The following BCKDK variants were observed in gnomAD, a reference collection of about 807,000 sequenced individuals.
The protein encoded by BCKDK is branched chain keto acid dehydrogenase kinase.
A neutral mutation model predicts 43.9 loss-of-function variants in BCKDK; 28 were observed. That is an observed-to-expected ratio of 0.64 (90% CI 0.47 to 0.87). The LOEUF (loss-of-function observed/expected upper bound fraction) is 0.87, where lower values mean the gene tolerates loss of function less well. Among genes scored for constraint, BCKDK ranks in the 40% least tolerant of loss-of-function variants. The pLI, the probability that BCKDK is intolerant of heterozygous loss-of-function variation, is 0.00. For missense variants in BCKDK, 483 were observed against 581.4 expected, an observed-to-expected ratio of 0.83 and a Z score of 1.74; for synonymous variants, 257 against 234.3, an observed-to-expected ratio of 1.10 and a Z score of -0.88.
In BCKDK at chr16:31,108,967, G is replaced by A; in HGVS notation, c.-177-80G>A. On this transcript the variant is annotated intron_variant, in intron 1 of 11. Coordinates refer to ENST00000219794, the MANE Select transcript of BCKDK (RefSeq NM_005881.4). This position sits in a 1 kb window ranked among gnomAD's most constrained non-coding sequence, Gnocchi z 6.2. The stretch of plus-strand genomic sequence containing the variant: ...TGGGGAGAGGTCGCCCGGGTCTGGG[G>A]AGACCGATGCACAGGTGGAGAGATG... The A allele has an allele frequency of 5.2e-6, 2 of 385,970 alleles. No homozygotes were observed. The highest frequency in any genetic ancestry group is 9.3e-6 in the Non-Finnish European group (2 of 213,980). The allele number at this position is 385,970 out of a possible 1,614,324, so 23.9% of individuals were successfully genotyped here.
Position 31,110,688 on chromosome 16 carries a change from C to A in BCKDK, c.643C>A (p.Pro215Thr). 6.2e-7 allele frequency: 1 copy of A among 1,614,074 alleles called. No homozygotes were observed. The highest frequency in any genetic ancestry group is 8.5e-7 in the Non-Finnish European group (1 of 1,180,010). The change falls in exon 8 of 12, where the codon CCT becomes ACT. Residue 215 changes from proline to threonine, a missense_variant and splice_region_variant. By Grantham distance (38) the Pro-to-Thr change is conservative. Transcript: ENST00000219794. This position sits in a 1 kb window ranked among gnomAD's most constrained non-coding sequence, Gnocchi z 5.4. Reference protein sequence around the residue: ...THHLALHEDKPDFVGIICTRL... With the variant: ...THHLALHEDKTDFVGIICTRL... ...GTCCTGACCTCCTTTCTCCGGCCAGCCTGACTTTGTCGGCATCATCTGTAC... is the reference window on the plus strand; with the variant it reads ...GTCCTGACCTCCTTTCTCCGGCCAGACTGACTTTGTCGGCATCATCTGTAC...
Position 31,109,645 on chromosome 16 carries a change from C to G in BCKDK, c.265-28C>G. On this transcript the variant is annotated intron_variant, in intron 3 of 11. Coordinates refer to ENST00000219794, the MANE Select transcript of BCKDK (RefSeq NM_005881.4). This position sits in a 1 kb window ranked among gnomAD's most constrained non-coding sequence, Gnocchi z 5.3. ...CTCTCCCAGACACTCAGGCTCCAGC[C>G]CCGCCTTCCCTTCTCATTTTCTCCC... is the stretch of plus-strand genomic sequence containing the variant. The G allele has an allele frequency of 6.2e-7, 1 of 1,613,704 alleles. No homozygotes were observed. The highest frequency in any genetic ancestry group is 2.2e-5 in the East Asian group (1 of 44,884).
Position 31,109,775 on chromosome 16 carries a change from C to T in BCKDK, c.367C>T (p.Leu123=), listed in dbSNP as rs768248141. ...CATCATTGGCTGCAACCCCACCATA[C>T]TGCACGTGGTAAGGTAGAGAGGACC... ...PFIIGCNPTI[L]HVHELYIRAF... Residue 123 remains leucine (L), a synonymous_variant, in exon 4 of 12, where the codon CTG becomes TTG. Transcript: ENST00000219794. This position sits in a 1 kb window ranked among gnomAD's most constrained non-coding sequence, Gnocchi z 5.3. 1 of 1,613,596 alleles carries T rather than the reference C, an allele frequency of 6.2e-7. No homozygotes were observed. Among genetic ancestry groups the T allele is most frequent in the East Asian group, 2.2e-5 (1 of 44,886 alleles).
chr16:31,114,510 G>A (rs1038078208), downstream of BCKDK, among the ~76,000 whole-genome samples: 15 of 151,914 alleles, frequency 9.9e-5, no homozygotes, highest in East Asian at 3.9e-4. Context: ...CATGCCTGTC[G>A]GATGTTTCTT....
In BCKDK at chr16:31,110,014, G is replaced by C; in HGVS notation, c.376-63G>C. The C allele has an allele frequency of 5.0e-6, 8 of 1,606,882 alleles. No individual in the cohort carries two copies. Among genetic ancestry groups the C allele is most frequent in the Non-Finnish European group, 6.8e-6 (8 of 1,173,724 alleles). On this transcript the variant is annotated intron_variant, in intron 4 of 11. Transcript: ENST00000219794. The surrounding 1 kb of genome is among the most constrained non-coding windows in gnomAD (Gnocchi z 5.4). ...GGTGGTGATCCCCATGGGTAGGTGGGGGTGGCTGTTCTCTGCTCAGTGCCC... is the reference window on the plus strand; with the variant it reads ...GGTGGTGATCCCCATGGGTAGGTGGCGGTGGCTGTTCTCTGCTCAGTGCCC...
chr16:31,110,910 G>A lies in BCKDK; in HGVS notation c.716+149G>A. 2 of 1,316,892 alleles carry A rather than the reference G, an allele frequency of 1.5e-6. No individual in the cohort carries two copies. The highest frequency in any genetic ancestry group is 1.5e-5 in the African/African-American group (1 of 68,658). The allele number at this position is 1,316,892 out of a possible 1,614,324, so 81.6% of individuals were successfully genotyped here. On this transcript the variant is annotated intron_variant, in intron 8 of 11. Coordinates refer to ENST00000219794, the MANE Select transcript of BCKDK (RefSeq NM_005881.4). The surrounding 1 kb of genome is among the most constrained non-coding windows in gnomAD (Gnocchi z 5.4). Reference sequence around the variant, plus strand: ...TCCAGCCAGATAATTCTTTGTCACAGGGGCTGCCCCGTGCACGTTAGGAAG... The same window carrying A: ...TCCAGCCAGATAATTCTTTGTCACAAGGGCTGCCCCGTGCACGTTAGGAAG...
Position 31,110,276 on chromosome 16 carries a change from G to A in BCKDK, c.495G>A (p.Val165=), listed in dbSNP as rs747331450. The change falls in exon 6 of 12, where the codon GTG becomes GTA. Residue 165 remains valine (V), a synonymous_variant. Transcript: ENST00000219794. This position sits in a 1 kb window ranked among gnomAD's most constrained non-coding sequence, Gnocchi z 5.4. ...VRQLLDDHKD[V]VTLLAEGLRE... ...AGCTGCTGGATGACCACAAGGATGT[G>A]GTGACCCTCTTGGCAGAGGGCCTAC... 2.5e-6 allele frequency: 4 copies of A among 1,613,924 alleles called. No homozygotes were observed. The East Asian group carries it at 8.9e-5, about 36-fold the overall frequency.
rs771867141 is a variant in BCKDK, at chr16:31,112,259, G to C, written c.1233G>C (p.Arg411=). Residue 411 remains arginine, a synonymous_variant, in exon 12 of 12, where the codon CGG becomes CGC. Transcript: ENST00000219794. This position sits in a 1 kb window ranked among gnomAD's most constrained non-coding sequence, Gnocchi z 5.0. ...TCGATGGCCGGGAGGAAAGCTTCCG[G>C]ATCTGACCCCACAGCCTTTGGCCTG... The part of the protein sequence containing the change: ...RHIDGREESF[R]I 2 of 1,608,556 alleles carry C rather than the reference G, an allele frequency of 1.2e-6. No individual in the cohort carries two copies. The highest frequency in any genetic ancestry group is 1.7e-6 in the Non-Finnish European group (2 of 1,179,974).
At chr16:31,111,442 C>A (rs1311216601) in intron 10 of BCKDK, 53 bp downstream of exon 10, 9 of 1,571,574 alleles carry the variant, frequency 5.7e-6, no homozygotes, top group Non-Finnish European at 7.0e-6. Context: ...GGTCTAGGCA[C>A]TGTTTCTGAC....
chr16:31,111,003 C>T, intron 8 of BCKDK, 88 bp from the exon 9 acceptor site: 2 of 1,571,858 alleles, frequency 1.3e-6, no homozygotes, highest in Non-Finnish European at 1.7e-6. Context: ...CTGCACATTG[C>T]CATATGTTAC....
In BCKDK at chr16:31,112,034, C is replaced by T. The variant is rs780604144; in HGVS notation, c.1094+7C>T. 3 of 1,613,820 alleles carry T rather than the reference C, an allele frequency of 1.9e-6. No individual in the cohort carries two copies. Among genetic ancestry groups the T allele is most frequent in the East Asian group, 4.5e-5 (2 of 44,894 alleles). ...AGTCAGGACCCATGCACGGGTGAGACCCTGCCAGGCCAGGATGGAGGGGTG... is the reference window on the plus strand; with the variant it reads ...AGTCAGGACCCATGCACGGGTGAGATCCTGCCAGGCCAGGATGGAGGGGTG... On this transcript the variant is annotated splice_region_variant and intron_variant, in intron 11 of 11. Transcript: ENST00000219794. The surrounding 1 kb of genome is among the most constrained non-coding windows in gnomAD (Gnocchi z 5.0).
At chr16:31,114,085 T>G (rs1252754916), downstream of BCKDK, among the ~76,000 whole-genome samples, 1 of 152,178 alleles carries the variant, frequency 6.6e-6, no homozygotes, top group Non-Finnish European at 1.5e-5. Flanking sequence ...AAGAAGAGCC[T>G]CAGGTGCTGG....
In BCKDK at chr16:31,109,856, T is replaced by C; in HGVS notation, c.375+73T>C. On this transcript the variant is annotated intron_variant, in intron 4 of 11. Coordinates refer to ENST00000219794, the MANE Select transcript of BCKDK (RefSeq NM_005881.4). This position sits in a 1 kb window ranked among gnomAD's most constrained non-coding sequence, Gnocchi z 5.3. ...CAAGTGGGGAGTCTGGGGCCCAGAGTGGCAGACGATTGCTTGCCTAAAGGT... is the reference window on the plus strand; with the variant it reads ...CAAGTGGGGAGTCTGGGGCCCAGAGCGGCAGACGATTGCTTGCCTAAAGGT... 1 of 1,510,404 alleles carries C rather than the reference T, an allele frequency of 6.6e-7. No individual in the cohort carries two copies. Among genetic ancestry groups the C allele is most frequent in the Non-Finnish European group, 9.2e-7 (1 of 1,089,894 alleles). 93.6% of individuals were successfully genotyped at this position (1,510,404 alleles called of 1,614,324 possible).
At position 31,111,220 on chromosome 16, in the gene BCKDK, G is replaced by A; in HGVS notation, c.845+1G>A. 6.2e-7 allele frequency: 1 copy of A among 1,614,202 alleles called. No individual in the cohort carries two copies. Among genetic ancestry groups the A allele is most frequent in the Non-Finnish European group, 8.5e-7 (1 of 1,180,032 alleles). On this transcript the variant is annotated splice_donor_variant, in intron 9 of 11. Coordinates refer to ENST00000219794, the MANE Select transcript of BCKDK (RefSeq NM_005881.4). LOFTEE classifies it high-confidence loss of function. ...CGGAGCTGCTCAAGAATGCCATGAG[G>A]TGGGGTGGCTTGATGTGCTGGCTTG...
chr16:31,116,107 G>A (rs1400574273), downstream of BCKDK, among the ~76,000 whole-genome samples: 3 of 148,708 alleles, frequency 2.0e-5, no homozygotes, highest in Admixed American at 1.4e-4. Context: ...TAGTAGAGAC[G>A]GAGTTTCATC....
At chr16:31,116,489 G>A (rs1333647104), downstream of BCKDK, among the ~76,000 whole-genome samples, 1 of 151,074 alleles carries the variant, frequency 6.6e-6, no homozygotes, top group Non-Finnish European at 1.5e-5. Flanking sequence ...GAGCCACCAC[G>A]CCCCGCCCAA....
In BCKDK at chr16:31,109,994, T is replaced by G; in HGVS notation, c.376-83T>G. The G allele has an allele frequency of 1.3e-6, 2 of 1,576,504 alleles. No homozygotes were observed. Among genetic ancestry groups the G allele is most frequent in the Non-Finnish European group, 1.7e-6 (2 of 1,146,548 alleles). ...ATCACGTGGTCGACCAGCTGGGTGG[T>G]GATCCCCATGGGTAGGTGGGGGTGG... On this transcript the variant is annotated intron_variant, in intron 4 of 11. Coordinates refer to ENST00000219794, the MANE Select transcript of BCKDK (RefSeq NM_005881.4). The surrounding 1 kb of genome is among the most constrained non-coding windows in gnomAD (Gnocchi z 5.3).
In BCKDK at chr16:31,110,970, AGTT is replaced by A; in HGVS notation, c.717-118_717-116del. Reference sequence around the variant, plus strand: ...ATCCCTGGCGCCAGCAGTACTGCCTAGTTGTGACAAACAAAAATGTCTCTGCAC... The same window carrying A: ...ATCCCTGGCGCCAGCAGTACTGCCTAGTGACAAACAAAAATGTCTCTGCAC... On this transcript the variant is annotated intron_variant, in intron 8 of 11. Coordinates refer to ENST00000219794, the MANE Select transcript of BCKDK (RefSeq NM_005881.4). The surrounding 1 kb of genome is among the most constrained non-coding windows in gnomAD (Gnocchi z 5.4). 1 of 1,490,052 alleles carries A rather than the reference AGTT, an allele frequency of 6.7e-7. No individual in the cohort carries two copies. The highest frequency in any genetic ancestry group is 9.1e-7 in the Non-Finnish European group (1 of 1,094,342). The allele number at this position is 1,490,052 out of a possible 1,614,324, so 92.3% of individuals were successfully genotyped here. A position where few individuals can be genotyped will look rare whatever the true frequency, so the allele number is the denominator to read the frequency against.
Position 31,109,043 on chromosome 16 carries a change from G to A in BCKDK, c.-177-4G>A. The A allele has an allele frequency of 1.9e-6, 1 of 526,210 alleles. No homozygotes were observed. Among genetic ancestry groups the A allele is most frequent in the Non-Finnish European group, 3.3e-6 (1 of 305,454 alleles). 32.6% of individuals were successfully genotyped at this position (526,210 alleles called of 1,614,324 possible). A position where few individuals can be genotyped will look rare whatever the true frequency, so the allele number is the denominator to read the frequency against. ...TTACAACTTCCTCTTCCCCGCCCCG[G>A]TAGATGGGAGCTGCTCTCCGCGGGC... On this transcript the variant is annotated splice_region_variant and splice_polypyrimidine_tract_variant and intron_variant, in intron 1 of 11. Coordinates refer to ENST00000219794, the MANE Select transcript of BCKDK (RefSeq NM_005881.4). The surrounding 1 kb of genome is among the most constrained non-coding windows in gnomAD (Gnocchi z 5.3).
Sources: gnomAD v4.1 joint callset for allele counts (sites outside exome capture counted in the v4.1 genomes callset) on GRCh38, gnomAD v4.1.1 for gene constraint, Gnocchi (gnomAD v3.1) non-coding constraint, MANE v1.5 for transcripts, NCBI Gene and HGNC (gene_info 2026-07-23, HGNC 2026-07-21) for gene names.